CASR: variants seen among roughly 807,000 people sequenced by gnomAD.
CASR encodes the protein extracellular calcium-sensing receptor.
Under a neutral mutation model 69.1 loss-of-function variants are expected in CASR, and 23 were observed. The observed-to-expected ratio is 0.33, with a 90% CI of 0.24 to 0.47. CASR has a LOEUF of 0.47. CASR is among the 20% of genes least tolerant of loss of function. CASR has a pLI of 1.00. For missense variants in CASR, 924 were observed against 1,356.1 expected, an observed-to-expected ratio of 0.68 and a Z score of 5.00; for synonymous variants, 541 against 544.7, an observed-to-expected ratio of 0.99 and a Z score of 0.10.
At chr3:122,273,532 T>C (rs545374815) in intron 4 of CASR, among the ~76,000 whole-genome samples, 2 of 152,232 alleles carry the variant, frequency 1.3e-5, no homozygotes, top group Non-Finnish European at 2.9e-5. Flanking sequence ...TGGCATGGCA[T>C]GTGGACAGGA....
intron 5 of CASR, among the ~76,000 whole-genome samples, chr3:122,276,295 C>T (rs980851832): frequency 6.6e-6 from 1 of 152,204 alleles, no homozygotes; most frequent in Non-Finnish European, 1.5e-5. Context: ...AAATATGACT[C>T]CCTAGCTAGT....
chr3:122,201,787 C>T (rs572767218), intron 1 of CASR, among the ~76,000 whole-genome samples: 45 of 151,706 alleles, frequency 3.0e-4, no homozygotes, highest in African/African-American at 8.2e-4. Context: ...GACGGGGCAG[C>T]GGGGCAGAGG....
Position 122,290,198 on chromosome 3 carries a change from C to T in CASR, c.*5007C>T, listed in dbSNP as rs1049677348. 1.2e-4 allele frequency: 18 copies of T among 151,932 alleles called. No individual in the cohort carries two copies. Among genetic ancestry groups the T allele is most frequent in the African/African-American group, 3.6e-4 (15 of 41,340 alleles). 9.4% of individuals were successfully genotyped at this position (151,932 alleles called of 1,614,324 possible). On this transcript the variant is annotated 3_prime_UTR_variant, in exon 7 of 7. Transcript: ENST00000639785. Reference sequence around the variant, plus strand: ...TGGGCACCTGGGTAACTAGATAGCGCAGGAAGTTAGAACAAATAAAAGCAG... The same window carrying T: ...TGGGCACCTGGGTAACTAGATAGCGTAGGAAGTTAGAACAAATAAAAGCAG...
At chr3:122,277,875 T>C (rs2074840867) in intron 5 of CASR, among the ~76,000 whole-genome samples, 1 of 152,250 alleles carries the variant, frequency 6.6e-6, no homozygotes, top group Non-Finnish European at 1.5e-5. Context: ...CATTGATAGA[T>C]GAATAACACA....
intron 4 of CASR, among the ~76,000 whole-genome samples, chr3:122,268,408 T>C (rs1393501070): frequency 6.6e-6 from 1 of 151,898 alleles, no homozygotes; most frequent in Non-Finnish European, 1.5e-5. Context: ...GCCAAAGGAG[T>C]TGCTAAAAGA....
At chr3:122,266,812 G>A (rs2074699997) in intron 4 of CASR, among the ~76,000 whole-genome samples, 1 of 152,082 alleles carries the variant, frequency 6.6e-6, no homozygotes, top group Non-Finnish European at 1.5e-5. Context: ...AGACCAGCCT[G>A]GGTAACGTGG....
At chr3:122,243,977 A>C (rs1211647222) in intron 1 of CASR, among the ~76,000 whole-genome samples, 3 of 152,158 alleles carry the variant, frequency 2.0e-5, no homozygotes, top group Admixed American at 1.3e-4. Context: ...AAATTAAAAC[A>C]ATTGAACTCA....
intron 3 of CASR, among the ~76,000 whole-genome samples, chr3:122,258,429 A>G (rs1175505430): frequency 1.4e-5 from 2 of 140,684 alleles, no homozygotes; most frequent in African/African-American, 5.3e-5. Flanking sequence ...TAGTTTTGTC[A>G]TCATTGACGG....
intron 5 of CASR, 148 bp downstream of exon 5, chr3:122,276,190 C>G: frequency 1.4e-6 from 1 of 691,914 alleles, no homozygotes; most frequent in Admixed American, 2.1e-5. Flanking sequence ...TCTTGGGGCT[C>G]CCTGTGAAAT....
chr3:122,229,851 G>A (rs976296716), intron 1 of CASR, among the ~76,000 whole-genome samples: 3 of 152,150 alleles, frequency 2.0e-5, no homozygotes, highest in African/African-American at 7.2e-5. Flanking sequence ...GGGCAACAGA[G>A]TGAGACTCTG....
At position 122,253,990 on chromosome 3, in the gene CASR, C is replaced by T. The variant is rs2074525300; in HGVS notation, c.-200C>T. The stretch of plus-strand genomic sequence containing the variant: ...CTCTGCATGATGTGGCTTCCAAAGA[C>T]TCAAGGACCACCCACATTACAAGTC... On this transcript the variant is annotated 5_prime_UTR_variant, in exon 2 of 7. Transcript: ENST00000639785. 4.7e-6 allele frequency: 3 copies of T among 638,004 alleles called. No individual in the cohort carries two copies. The highest frequency in any genetic ancestry group is 3.5e-5 in the South Asian group (2 of 57,046). 39.5% of individuals were successfully genotyped at this position (638,004 alleles called of 1,614,324 possible). A position where few individuals can be genotyped will look rare whatever the true frequency, so the allele number is the denominator to read the frequency against.
intron 1 of CASR, among the ~76,000 whole-genome samples, chr3:122,205,994 A>G (rs2074002798): frequency 6.6e-6 from 1 of 151,982 alleles, no homozygotes; most frequent in African/African-American, 2.4e-5. Context: ...TTTTCTCATT[A>G]TAAGATCATG....
chr3:122,266,995 C>A (rs1166990301), intron 4 of CASR, among the ~76,000 whole-genome samples: 1 of 152,288 alleles, frequency 6.6e-6, no homozygotes, highest in East Asian at 1.9e-4. Flanking sequence ...CAGAGCGAGA[C>A]TCCGTCTCAA....
chr3:122,214,986 A>G (rs9820206), intron 1 of CASR, among the ~76,000 whole-genome samples: 110,257 of 152,112 alleles, frequency 0.72, 40,214 homozygotes, highest in Admixed American at 0.82. Flanking sequence ...CTTAAAGCAG[A>G]GTTTTCCAGA....
Position 122,290,340 on chromosome 3 carries a change from A to G in CASR, c.*5149A>G, listed in dbSNP as rs1479536500. The G allele has an allele frequency of 6.6e-6, 1 of 152,232 alleles. No homozygotes were observed. Among genetic ancestry groups the G allele is most frequent in the Non-Finnish European group, 1.5e-5 (1 of 68,042 alleles). The allele number at this position is 152,232 out of a possible 1,614,324, so 9.4% of individuals were successfully genotyped here. ...CTGGGGTCATTACAGGATTTCCTGT[A>G]AAGGCATCAGGAAATGTTTTTGGAA... On this transcript the variant is annotated 3_prime_UTR_variant, in exon 7 of 7. Coordinates refer to ENST00000639785, the MANE Select transcript of CASR (RefSeq NM_000388.4).
At chr3:122,260,694 A>T (rs111541969) in intron 3 of CASR, among the ~76,000 whole-genome samples, 41,512 of 151,790 alleles carry the variant, frequency 0.27, 6,391 homozygotes, top group Non-Finnish European at 0.35. Context: ...TATAATAAAA[A>T]AAAAAAAAAA....
intron 2 of CASR, 57 bp downstream of exon 2, chr3:122,254,431 C>A (rs1015309336): frequency 1.3e-6 from 2 of 1,515,494 alleles, no homozygotes; most frequent in African/African-American, 1.4e-5. Context: ...TGGAGAAAAG[C>A]TGCACCAAAC....
intron 1 of CASR, among the ~76,000 whole-genome samples, chr3:122,230,119 A>G (rs913720730): frequency 2.0e-5 from 3 of 152,192 alleles, no homozygotes; most frequent in Non-Finnish European, 4.4e-5. Flanking sequence ...CTGCTCAGAA[A>G]TGTTTCTGGT....
chr3:122,268,027 G>C (rs906240590), intron 4 of CASR, among the ~76,000 whole-genome samples: 9 of 152,336 alleles, frequency 5.9e-5, no homozygotes, highest in African/African-American at 1.7e-4. Flanking sequence ...CATGTGAGTA[G>C]GTAGTATAGT....
Sources: allele counts gnomAD v4.1 joint callset (sites outside exome capture counted in the v4.1 genomes callset), GRCh38; gene constraint gnomAD v4.1.1; transcripts MANE v1.5; gene names NCBI Gene and HGNC (gene_info 2026-07-23, HGNC 2026-07-21).